GNAI1: variants seen among roughly 807,000 people sequenced by gnomAD.
GNAI1 encodes the protein G protein subunit alpha i1.
A neutral mutation model predicts 38.9 loss-of-function variants in GNAI1; 11 were observed. That is an observed-to-expected ratio of 0.28 (90% CI 0.18 to 0.47). The LOEUF is 0.47. GNAI1 is among the 20% of genes least tolerant of loss of function. The pLI, the probability that GNAI1 is intolerant of heterozygous loss-of-function variation, is 0.99. For missense variants in GNAI1, 317 were observed against 436.9 expected (o/e 0.73, Z 2.45); for synonymous variants, 166 against 145.1 (o/e 1.14, Z -1.04).
At position 80,177,876 on chromosome 7, in the gene GNAI1, G is replaced by A. The variant is rs186919200; in HGVS notation, c.119-11075G>A. On this transcript the variant is annotated intron_variant, in intron 1 of 7. Transcript: ENST00000649796. ...TTATTATGTGAGAAACACATTTTGT[G>A]AGGCTATAGCTGCCATTAGATAGTG... Among the ~76,000 whole-genome samples, 18 of 152,334 alleles carry A rather than the reference G, an allele frequency of 1.2e-4. No individual in the cohort carries two copies. The East Asian group carries it at 3.5e-3, about 29-fold the overall frequency.
At chr7:80,197,562 T>G (rs1383461310) in intron 3 of GNAI1, among the ~76,000 whole-genome samples, 1 of 152,046 alleles carries the variant, frequency 6.6e-6, no homozygotes, top group Non-Finnish European at 1.5e-5. Context: ...ATAAAAATGG[T>G]CAAATTCAGA....
chr7:80,189,367 G>GA, intron 3 of GNAI1, 136 bp downstream of exon 3: 1 of 716,876 alleles, frequency 1.4e-6, no homozygotes. Context: ...AGAAGTGAGT[G>GA]AAATGAGGAG....
At chr7:80,135,816 TC>T (rs1171057001) in intron 1 of GNAI1, 17 of 985,216 alleles carry the variant, frequency 1.7e-5, no homozygotes, top group Non-Finnish European at 1.9e-5. Context: ...CCTGTTAACT[TC>T]CTATGGCGAC....
rs1338688801 is a variant in GNAI1, at chr7:80,161,898, C to T, written c.118+26620C>T. 2.0e-5 allele frequency among the ~76,000 whole-genome samples: 3 copies of T among 152,224 alleles called. No individual in the cohort carries two copies. In the South Asian group the frequency reaches 6.2e-4, roughly 32 times the overall value. Reference sequence around the variant, plus strand: ...TCAGTTTTTTATTTACTGGTAGATACTTATACAGTGCTTACCATTTGCTAC... The same window carrying T: ...TCAGTTTTTTATTTACTGGTAGATATTTATACAGTGCTTACCATTTGCTAC... On this transcript the variant is annotated intron_variant, in intron 1 of 7. Transcript: ENST00000649796.
chr7:80,199,103 G>T, intron 3 of GNAI1, 122 bp from the exon 4 acceptor site: 1 of 654,228 alleles, frequency 1.5e-6, no homozygotes, highest in South Asian at 2.7e-5. Context: ...GTAATGACGT[G>T]TTAATAAAAA....
intron 1 of GNAI1, chr7:80,135,792 G>C (rs1285432929): frequency 1.1e-5 from 11 of 985,694 alleles, no homozygotes; most frequent in Non-Finnish European, 1.2e-5. Flanking sequence ...CTGAGATGGG[G>C]CTGAAGCGTC....
intron 1 of GNAI1, among the ~76,000 whole-genome samples, chr7:80,138,822 T>C (rs555466596): frequency 2.4e-4 from 36 of 152,178 alleles, no homozygotes; most frequent in Middle Eastern, 6.8e-3. Flanking sequence ...CTTGTCTCCT[T>C]CTTCAGCTTG....
chr7:80,202,174 G>T (rs1362712923), intron 4 of GNAI1, among the ~76,000 whole-genome samples: 1 of 151,894 alleles, frequency 6.6e-6, no homozygotes, highest in African/African-American at 2.4e-5. Flanking sequence ...ACTGCAACCT[G>T]GGCCTCCCAG....
chr7:80,143,692 G>A (rs1022042811), intron 1 of GNAI1, among the ~76,000 whole-genome samples: 1 of 151,916 alleles, frequency 6.6e-6, no homozygotes, highest in Non-Finnish European at 1.5e-5. Context: ...TATAAATGCT[G>A]GATAATAAAT....
chr7:80,167,097 G>A (rs768709662), intron 1 of GNAI1, among the ~76,000 whole-genome samples: 19 of 152,160 alleles, frequency 1.2e-4, no homozygotes, highest in Non-Finnish European at 2.4e-4. Context: ...AGAACCATTG[G>A]TGGTTTCATA....
At chr7:80,172,777 T>A (rs1788118523) in intron 1 of GNAI1, among the ~76,000 whole-genome samples, 1 of 152,210 alleles carries the variant, frequency 6.6e-6, no homozygotes, top group Non-Finnish European at 1.5e-5. Flanking sequence ...TTTCTTTCCG[T>A]GGCATTCACC....
At chr7:80,162,864 C>G (rs1348128858) in intron 1 of GNAI1, among the ~76,000 whole-genome samples, 1 of 152,164 alleles carries the variant, frequency 6.6e-6, no homozygotes, top group Non-Finnish European at 1.5e-5. Context: ...GAAGAGAAAC[C>G]GCAAGGAAGA....
chr7:80,145,060 A>C (rs1474865988), intron 1 of GNAI1, among the ~76,000 whole-genome samples: 1 of 152,102 alleles, frequency 6.6e-6, no homozygotes, highest in Non-Finnish European at 1.5e-5. Context: ...TTTTCCATCC[A>C]CCTGATCCAC....
chr7:80,191,288 G>C (rs1788476003), intron 3 of GNAI1, among the ~76,000 whole-genome samples: 1 of 151,938 alleles, frequency 6.6e-6, no homozygotes, highest in Non-Finnish European at 1.5e-5. Context: ...CTGGACACGA[G>C]GAAGGGGCAT....
intron 1 of GNAI1, among the ~76,000 whole-genome samples, chr7:80,180,082 A>G (rs1427898188): frequency 6.6e-6 from 1 of 152,314 alleles, no homozygotes; most frequent in African/African-American, 2.4e-5. Flanking sequence ...AAATGTTGAA[A>G]AAGTTTGTAT....
chr7:80,205,055 C>T (rs991802321), intron 5 of GNAI1, among the ~76,000 whole-genome samples: 1 of 152,196 alleles, frequency 6.6e-6, no homozygotes, highest in Middle Eastern at 3.4e-3. Flanking sequence ...TAAAATGTCA[C>T]ATGTCCCAAG....
At position 80,218,581 on chromosome 7, in the gene GNAI1, A is replaced by G. The variant is rs1039008534; in HGVS notation, c.*1088A>G. On this transcript the variant is annotated 3_prime_UTR_variant, in exon 8 of 8. Transcript: ENST00000649796. ...AACAAGAAGGATCTTTGAATACTCT[A>G]TTGCTGATATAATGCAAGATTTAAA... 2 of 152,140 alleles carry G rather than the reference A, an allele frequency of 1.3e-5. No homozygotes were observed. The highest frequency in any genetic ancestry group is 1.9e-4 in the East Asian group (1 of 5,194). The allele number at this position is 152,140 out of a possible 1,614,324, so 9.4% of individuals were successfully genotyped here.
chr7:80,208,654 C>T (rs1368454564), intron 5 of GNAI1, among the ~76,000 whole-genome samples: 3 of 152,206 alleles, frequency 2.0e-5, no homozygotes, highest in Non-Finnish European at 4.4e-5. Context: ...CTCCACCTGT[C>T]ATCACATGTC....
rs1274577450 is a variant in GNAI1, at chr7:80,226,099, A to G, written c.*8606A>G. On this transcript the variant is annotated 3_prime_UTR_variant, in exon 8 of 8. Transcript: ENST00000649796. Reference sequence around the variant, plus strand: ...TTAAGTCCCTCTAACAATTATGAAGAAAAAAAAAGACTAGATTTTATATCA... The same window carrying G: ...TTAAGTCCCTCTAACAATTATGAAGGAAAAAAAAGACTAGATTTTATATCA... Among the ~76,000 whole-genome samples the G allele has an allele frequency of 1.3e-5, 2 of 151,682 alleles. No individual in the cohort carries two copies. The highest frequency in any genetic ancestry group is 1.9e-4 in the East Asian group (1 of 5,196).
Sources: gnomAD v4.1 joint callset for allele counts (sites outside exome capture counted in the v4.1 genomes callset) on GRCh38, gnomAD v4.1.1 for gene constraint, MANE v1.5 for transcripts, NCBI Gene and HGNC (gene_info 2026-07-23, HGNC 2026-07-21) for gene names.